KIAA1549L: variants seen among roughly 807,000 people sequenced by gnomAD.
KIAA1549L encodes the protein KIAA1549 like.
Under a neutral mutation model 160.7 loss-of-function variants are expected in KIAA1549L, and 88 were observed. The ratio of observed to expected loss-of-function variants is 0.55; its 90% confidence interval spans 0.46 to 0.65. The LOEUF is 0.65. KIAA1549L is among the 30% of genes least tolerant of loss of function. KIAA1549L has a pLI of 0.00. For missense variants in KIAA1549L, 2,258 were observed against 2,437.5 expected (o/e 0.93, Z 1.55); for synonymous variants, 950 against 976.7 (o/e 0.97, Z 0.51).
chr11:33,639,405 G>A (rs1193778044), intron 16 of KIAA1549L, among the ~76,000 whole-genome samples: 1 of 152,168 alleles, frequency 6.6e-6, no homozygotes, highest in East Asian at 1.9e-4. Flanking sequence ...TCTAAATACT[G>A]TGGCCTTTGC....
chr11:33,657,809 T>A (rs1852118952), intron 18 of KIAA1549L, among the ~76,000 whole-genome samples: 1 of 151,896 alleles, frequency 6.6e-6, no homozygotes. Flanking sequence ...AACAAAAAAA[T>A]AAAAATAATG....
chr11:33,497,139 C>T (rs1296004077), intron 1 of KIAA1549L, among the ~76,000 whole-genome samples: 1 of 152,164 alleles, frequency 6.6e-6, no homozygotes, highest in Non-Finnish European at 1.5e-5. Flanking sequence ...CTTACTTTAG[C>T]TTCTTCATAG....
intron 1 of KIAA1549L, among the ~76,000 whole-genome samples, chr11:33,528,649 A>G (rs1853668588): frequency 6.6e-6 from 1 of 152,242 alleles, no homozygotes; most frequent in Non-Finnish European, 1.5e-5. Flanking sequence ...CCACTCAACC[A>G]TAAAAAGGAA....
At chr11:33,569,146 G>A (rs1855156497) in intron 9 of KIAA1549L, among the ~76,000 whole-genome samples, 1 of 152,104 alleles carries the variant, frequency 6.6e-6, no homozygotes, top group Non-Finnish European at 1.5e-5. Context: ...CTACTTCTGA[G>A]GGCACCCAAT....
At chr11:33,661,723 CA>C (rs1852266711) in intron 20 of KIAA1549L, among the ~76,000 whole-genome samples, 5 of 151,658 alleles carry the variant, frequency 3.3e-5, no homozygotes, top group Admixed American at 2.0e-4. Context: ...CTACTAAAAC[CA>C]CAAAAATTAG....
At chr11:33,609,668 A>G (rs1590394366) in intron 14 of KIAA1549L, 81 bp from the exon 15 acceptor site, 1 of 1,139,140 alleles carries the variant, frequency 8.8e-7, no homozygotes, top group Non-Finnish European at 1.3e-6. Flanking sequence ...CTTTTTTAGA[A>G]GTGATAACCT....
At chr11:33,526,229 C>T (rs544838766) in intron 1 of KIAA1549L, among the ~76,000 whole-genome samples, 115 of 152,324 alleles carry the variant, frequency 7.5e-4, no homozygotes, top group Non-Finnish European at 9.4e-4. Context: ...CAAGCCATTA[C>T]AGCAACTCAT....
At chr11:33,592,071 T>G (rs1850070957) in intron 12 of KIAA1549L, among the ~76,000 whole-genome samples, 1 of 152,038 alleles carries the variant, frequency 6.6e-6, no homozygotes, top group South Asian at 2.1e-4. Flanking sequence ...TCTGAATAGG[T>G]GGGAAGATAT....
intron 1 of KIAA1549L, among the ~76,000 whole-genome samples, chr11:33,397,902 A>G (rs1299846826): frequency 6.7e-6 from 1 of 149,358 alleles, no homozygotes; most frequent in African/African-American, 2.5e-5. Context: ...TGAAAGTTCC[A>G]ATTTGGTGGT....
intron 10 of KIAA1549L, among the ~76,000 whole-genome samples, chr11:33,582,620 A>T (rs1855680327): frequency 6.6e-6 from 1 of 152,188 alleles, no homozygotes; most frequent in Non-Finnish European, 1.5e-5. Context: ...CACCCATGTA[A>T]CCCAACTCTC....
At chr11:33,618,482 C>A in intron 15 of KIAA1549L, 51 bp from the exon 16 acceptor site, 1 of 1,537,014 alleles carries the variant, frequency 6.5e-7, no homozygotes, top group South Asian at 1.2e-5. Flanking sequence ...GTGGAGAATT[C>A]CATCTGTCAG....
Position 33,544,778 on chromosome 11 carries a change from T to C in KIAA1549L, c.2785T>C (p.Ser929Pro). 1 of 1,595,230 alleles carries C rather than the reference T, an allele frequency of 6.3e-7. No individual in the cohort carries two copies. The highest frequency in any genetic ancestry group is 8.6e-7 in the Non-Finnish European group (1 of 1,167,758). The change falls in exon 3 of 21, where the codon TCA becomes CCA. Residue 929 changes from serine (S) to proline (P), a missense_variant. Around this residue, in one of 6 missense-constraint regions of KIAA1549L, gnomAD observed 41 missense variants for 79.8 expected, o/e 0.51. Coordinates refer to ENST00000658780, the MANE Select transcript of KIAA1549L (RefSeq NM_012194.3). ...TTCTCTCTTTACAGCGGACACAGTA[T>C]CATCTAAGGTACAGCCAACAGCAGC... ...HPKKWTADTV[S>P]SKVQPTAAAA... is the part of the protein sequence containing the mutation.
chr11:33,556,007 T>G (rs1854634977), intron 6 of KIAA1549L, among the ~76,000 whole-genome samples: 1 of 152,148 alleles, frequency 6.6e-6, no homozygotes, highest in Non-Finnish European at 1.5e-5. Context: ...GCAAAGGACT[T>G]GAATAGACAT....
At chr11:33,631,887 G>T (rs1036003616) in intron 16 of KIAA1549L, among the ~76,000 whole-genome samples, 5 of 152,196 alleles carry the variant, frequency 3.3e-5, no homozygotes, top group African/African-American at 1.2e-4. Context: ...AGTAGATGCG[G>T]TGTCTCTATT....
At chr11:33,565,379 C>T (rs1855014224) in intron 8 of KIAA1549L, among the ~76,000 whole-genome samples, 1 of 152,190 alleles carries the variant, frequency 6.6e-6, no homozygotes, top group Non-Finnish European at 1.5e-5. Flanking sequence ...CCCTCAAGGG[C>T]CTTATGATAG....
At chr11:33,403,098 C>T (rs923028332) in intron 1 of KIAA1549L, 4 of 151,994 alleles carry the variant, frequency 2.6e-5, no homozygotes, top group Admixed American at 2.0e-4. Context: ...CCATGAACCC[C>T]TAGGGTAGTC....
At chr11:33,377,871 A>ATATT (rs1199667626) in intron 1 of KIAA1549L, among the ~76,000 whole-genome samples, 1 of 152,218 alleles carries the variant, frequency 6.6e-6, no homozygotes, top group African/African-American at 2.4e-5. Flanking sequence ...TAGGTTAAAA[A>ATATT]TATTTCTCGT....
At chr11:33,656,707 C>T (rs1355886596) in intron 18 of KIAA1549L, among the ~76,000 whole-genome samples, 1 of 152,154 alleles carries the variant, frequency 6.6e-6, no homozygotes, top group African/African-American at 2.4e-5. Flanking sequence ...TGGACCACTG[C>T]CCTGGCCTTC....
intron 13 of KIAA1549L, 133 bp downstream of exon 13, chr11:33,599,080 C>T: frequency 9.6e-7 from 1 of 1,039,830 alleles, no homozygotes; most frequent in Non-Finnish European, 1.4e-6. Context: ...TCTATTCTGC[C>T]CCACAAGGGC....
Sources: allele counts gnomAD v4.1 joint callset (sites outside exome capture counted in the v4.1 genomes callset), GRCh38; gene constraint gnomAD v4.1.1; regional missense constraint gnomAD v4.1.1; transcripts MANE v1.5; gene names NCBI Gene and HGNC (gene_info 2026-07-23, HGNC 2026-07-21).